Variants in GGT6 observed in about 807,000 individuals in gnomAD.
GGT6 encodes the protein gamma-glutamyltransferase 6, also known as glutathione hydrolase 6.
In GGT6, 13 loss-of-function variants were observed where a neutral mutation model predicts 17.0. The observed-to-expected ratio is 0.77, with a 90% CI of 0.50 to 1.22. The LOEUF (loss-of-function observed/expected upper bound fraction) is 1.22. Ranked by LOEUF, GGT6 falls within the 50% of genes most tolerant of loss-of-function variation. The probability of loss-of-function intolerance (pLI) is 0.00; values close to 1 mark genes in which losing one functional copy is unlikely to be tolerated. For synonymous variants in GGT6, 305 were observed against 297.9 expected (o/e 1.02, Z -0.25); for missense variants, 628 against 643.7 (o/e 0.98, Z 0.26).
rs781536401 is a variant in GGT6 at position 4,558,094 on chromosome 17, A to G, written c.1421T>C (p.Leu474Pro). The G allele has an allele frequency of 6.8e-6, 11 of 1,608,038 alleles. No individual in the cohort carries two copies. The highest frequency in any genetic ancestry group is 1.3e-5 in the African/African-American group (1 of 74,894). ...EHPSTCGQGTLLQVAAHTEHA... is the reference protein window; with the variant it reads ...EHPSTCGQGTPLQVAAHTEHA... ...CTCTGTGTGGGCTGCCACCTGGAGC[A>G]GGGTCCCTTGGCCACAAGTGCTGGG... The change falls in exon 4 of 4, where the codon CTG becomes CCG. Residue 474 changes from leucine (L) to proline (P), a missense_variant. Coordinates refer to ENST00000381550, the MANE Select transcript of GGT6 (RefSeq NM_001288702.2).
downstream of GGT6, among the ~76,000 whole-genome samples, chr17:4,556,543 C>T (rs1014517893): frequency 5.9e-5 from 9 of 152,150 alleles, no homozygotes; most frequent in South Asian, 2.1e-4. Context: ...TGGTCACCCT[C>T]GCTTCTTGGT....
Position 4,557,184 on chromosome 17 carries a change from C to G in GGT6, c.*831G>C, listed in dbSNP as rs183459477. 1.3e-5 allele frequency: 2 copies of G among 152,320 alleles called. No homozygotes were observed. Among genetic ancestry groups the G allele is most frequent in the Admixed American group, 1.3e-4 (2 of 15,298 alleles). The allele number at this position is 152,320 out of a possible 1,614,324, so 9.4% of individuals were successfully genotyped here. A position where few individuals can be genotyped will look rare whatever the true frequency, so the allele number is the denominator to read the frequency against. On this transcript the variant is annotated 3_prime_UTR_variant, in exon 4 of 4. Coordinates refer to ENST00000381550, the MANE Select transcript of GGT6 (RefSeq NM_001288702.2). Reference sequence around the variant, plus strand: ...CTGATTTTCTTAGCTGATAAAATAGCTAGAGATTCCATCCGGTGTGGGTGA... The same window carrying G: ...CTGATTTTCTTAGCTGATAAAATAGGTAGAGATTCCATCCGGTGTGGGTGA...
chr17:4,558,382 G>T lies in GGT6; in HGVS notation c.1133C>A (p.Ser378Tyr), dbSNP rs772301151. Reference protein sequence around the residue: ...VLLLTSSLNCSFGSAHLSPST... With the variant: ...VLLLTSSLNCYFGSAHLSPST... Reference sequence around the variant, plus strand: ...TGGGGACAGGTGTGCAGAGCCAAAGGAGCAGTTGAGCGAGGAGGTGAGAAG... The same window carrying T: ...TGGGGACAGGTGTGCAGAGCCAAAGTAGCAGTTGAGCGAGGAGGTGAGAAG... The change falls in exon 4 of 4, where the codon TCC becomes TAC. Residue 378 changes from serine to tyrosine, a missense_variant. By Grantham distance (144) the Ser-to-Tyr change is moderately radical (BLOSUM62 -2). Transcript: ENST00000381550. 3.1e-6 allele frequency: 5 copies of T among 1,605,608 alleles called. No individual in the cohort carries two copies. The Admixed American group carries it at 6.7e-5, about 21-fold the overall frequency.
intron 3 of GGT6, 133 bp downstream of exon 3, chr17:4,559,210 G>T (rs887137380): frequency 2.8e-5 from 34 of 1,224,520 alleles, no homozygotes; most frequent in Non-Finnish European, 3.6e-5. Flanking sequence ...CATAGCCTGG[G>T]GTTGGACTGC....
rs1488834175 is a variant in GGT6, at chr17:4,560,527, C to T, written c.-6G>A. 1 of 1,608,916 alleles carries T rather than the reference C, an allele frequency of 6.2e-7. No individual in the cohort carries two copies. Among genetic ancestry groups the T allele is most frequent in the Non-Finnish European group, 8.5e-7 (1 of 1,179,984 alleles). On this transcript the variant is annotated 5_prime_UTR_variant, in exon 1 of 4. Coordinates refer to ENST00000381550, the MANE Select transcript of GGT6 (RefSeq NM_001288702.2). ...GGCTCTTCTGCCCGCTCCATGGCCC[C>T]CCAGTGCTCGCCCCAGCCCTCCTGC... is the stretch of plus-strand genomic sequence containing the variant.
At chr17:4,560,287 G>A (rs944014463) in intron 1 of GGT6, 95 bp downstream of exon 1, 40 of 1,416,034 alleles carry the variant, frequency 2.8e-5, no homozygotes, top group Non-Finnish European at 3.4e-5. Context: ...TAAACCCAGC[G>A]GGGAGTCGCC....
intron 3 of GGT6, 103 bp downstream of exon 3, chr17:4,559,240 G>C: frequency 8.5e-7 from 1 of 1,180,592 alleles, no homozygotes; most frequent in South Asian, 1.4e-5. Context: ...CCTAAGTCCT[G>C]CTCACTTAGC....
rs1325630131 is a variant in GGT6 at position 4,558,149 on chromosome 17, G to A, written c.1366C>T (p.His456Tyr). The A allele has an allele frequency of 1.2e-6, 2 of 1,613,856 alleles. No homozygotes were observed. Among genetic ancestry groups the A allele is most frequent in the East Asian group, 4.5e-5 (2 of 44,890 alleles). The change falls in exon 4 of 4, where the codon CAT becomes TAT. Residue 456 changes from histidine to tyrosine, a missense_variant. Coordinates refer to ENST00000381550, the MANE Select transcript of GGT6 (RefSeq NM_001288702.2). ...ARPPTQAQHQ[H>Y]QGQQEPTEHP... ...TCTGTTGGTTCTTGCTGACCCTGAT[G>A]CTGGTGCTGGGCCTGGGTAGGGGGC...
At chr17:4,559,243 C>A in intron 3 of GGT6, 100 bp downstream of exon 3, 1 of 1,190,118 alleles carries the variant, frequency 8.4e-7, no homozygotes, top group South Asian at 1.4e-5. Flanking sequence ...AAGTCCTGCT[C>A]ACTTAGCAGT....
downstream of GGT6, among the ~76,000 whole-genome samples, chr17:4,556,366 G>T (rs939512397): frequency 6.6e-6 from 1 of 152,140 alleles, no homozygotes; most frequent in African/African-American, 2.4e-5. Context: ...AGATGTCGGG[G>T]GAGAGGAAAT....
At chr17:4,556,737 T>C (rs1461918693), downstream of GGT6, among the ~76,000 whole-genome samples, 2 of 152,148 alleles carry the variant, frequency 1.3e-5, no homozygotes, top group Middle Eastern at 3.2e-3. Context: ...GAAAGTGAAA[T>C]GAAAACATTC....
intron 1 of GGT6, 106 bp downstream of exon 1, chr17:4,560,276 C>T: frequency 7.6e-7 from 1 of 1,320,058 alleles, no homozygotes; most frequent in South Asian, 1.3e-5. Flanking sequence ...GTGCCTGGAG[C>T]TAAACCCAGC....
In GGT6 at chr17:4,558,920, A is replaced by C; in HGVS notation, c.595T>G (p.Phe199Val). ...LPTLHLLHAR[F>V]GRLPWPRLLV... ...AGGCGTGGCCAGGGCAGGCGGCCGAAGCGTGCATGCAGCAGGTGCAGGGTG... is the reference window on the plus strand; with the variant it reads ...AGGCGTGGCCAGGGCAGGCGGCCGACGCGTGCATGCAGCAGGTGCAGGGTG... The change falls in exon 4 of 4, where the codon TTC (phenylalanine) becomes GTC (valine). Residue 199 changes from phenylalanine to valine, a missense_variant. Phe to Val is a conservative substitution (Grantham distance 50). Coordinates refer to ENST00000381550, the MANE Select transcript of GGT6 (RefSeq NM_001288702.2). 6.5e-7 allele frequency: 1 copy of C among 1,549,144 alleles called. No homozygotes were observed. Among genetic ancestry groups the C allele is most frequent in the Non-Finnish European group, 8.7e-7 (1 of 1,146,254 alleles).
Position 4,558,257 on chromosome 17 carries a change from C to G in GGT6, c.1258G>C (p.Asp420His), listed in dbSNP as rs1271025685. 5 of 1,614,168 alleles carry G rather than the reference C, an allele frequency of 3.1e-6. No homozygotes were observed. The highest frequency in any genetic ancestry group is 4.2e-6 in the Non-Finnish European group (5 of 1,180,030). The change falls in exon 4 of 4, where the codon GAT (aspartate) becomes CAT (histidine). Residue 420 changes from aspartate to histidine, a missense_variant. Asp to His is a moderately conservative substitution (Grantham distance 81, BLOSUM62 -1). Coordinates refer to ENST00000381550, the MANE Select transcript of GGT6 (RefSeq NM_001288702.2). ...LRGSLDDTEA[D>H]VLGLVASGTP... ...CCTGAAGCCACAAGCCCCAACACATCAGCCTCTGTGTCATCCAGGCTGCCA... is the reference window on the plus strand; with the variant it reads ...CCTGAAGCCACAAGCCCCAACACATGAGCCTCTGTGTCATCCAGGCTGCCA...
At chr17:4,560,246 T>TC in intron 1 of GGT6, 136 bp downstream of exon 1, 1 of 947,272 alleles carries the variant, frequency 1.1e-6, no homozygotes, top group Non-Finnish European at 1.6e-6. Flanking sequence ...GCCTGGGTTT[T>TC]CCCCCAAATT....
Position 4,559,605 on chromosome 17 carries a change from G to A in GGT6, c.296C>T (p.Ser99Phe). The stretch of plus-strand genomic sequence containing the variant: ...GTGGTGGTATACGCCAGGGCCGTGG[G>A]AGTGTCCGCCGGGTGGAGGGGCCAC... ...GSVAPPPGGH[S>F]HGPGVYHHGA... is the part of the protein sequence containing the mutation. Residue 99 changes from serine (S) to phenylalanine (F), a missense_variant, in exon 2 of 4, where the codon TCC (serine) becomes TTC (phenylalanine). By Grantham distance (155) the Ser-to-Phe change is radical. Transcript: ENST00000381550. The A allele has an allele frequency of 6.2e-7, 1 of 1,613,888 alleles. No homozygotes were observed. The highest frequency in any genetic ancestry group is 8.5e-7 in the Non-Finnish European group (1 of 1,180,014).
chr17:4,558,992 G>T lies in GGT6; in HGVS notation c.523C>A (p.Pro175Thr), dbSNP rs2144541897. Reference sequence around the variant, plus strand: ...AGGCCGGGGGCCAGGGTCTGTGCTGGGCCTGATGTCAGGGCCGTGGAATTG... The same window carrying T: ...AGGCCGGGGGCCAGGGTCTGTGCTGTGCCTGATGTCAGGGCCGTGGAATTG... ...SGNSTALTSG[P>T]AQTLAPGLGL... Residue 175 changes from proline to threonine, a missense_variant, in exon 4 of 4, where the codon CCA becomes ACA. By Grantham distance (38) the Pro-to-Thr change is conservative. Transcript: ENST00000381550. The T allele has an allele frequency of 1.9e-6, 3 of 1,545,830 alleles. No homozygotes were observed. The highest frequency in any genetic ancestry group is 4.9e-5 in the East Asian group (2 of 40,906).
At position 4,558,676 on chromosome 17, in the gene GGT6, A is replaced by G. The variant is rs1368488957; in HGVS notation, c.839T>C (p.Leu280Pro). 1.1e-5 allele frequency: 17 copies of G among 1,603,852 alleles called. No individual in the cohort carries two copies. The highest frequency in any genetic ancestry group is 1.4e-5 in the Non-Finnish European group (17 of 1,175,364). Residue 280 changes from leucine (L) to proline (P), a missense_variant, in exon 4 of 4, where the codon CTA becomes CCA. Coordinates refer to ENST00000381550, the MANE Select transcript of GGT6 (RefSeq NM_001288702.2). Reference protein sequence around the residue: ...APTSDLAGDALLSLLAGDLGV... With the variant: ...APTSDLAGDAPLSLLAGDLGV... ...CAGGTCTCCCGCCAGTAGACTCAGTAGAGCATCCCCAGCAAGGTCTGAGGT... is the reference window on the plus strand; with the variant it reads ...CAGGTCTCCCGCCAGTAGACTCAGTGGAGCATCCCCAGCAAGGTCTGAGGT...
In GGT6 at chr17:4,558,283, C is replaced by T. The variant is rs773406722; in HGVS notation, c.1232G>A (p.Arg411His). Residue 411 changes from arginine (R) to histidine (H), a missense_variant, in exon 4 of 4, where the codon CGT becomes CAT. Physicochemically the swap from Arg to His is conservative, Grantham distance 29 (BLOSUM62 0). Transcript: ENST00000381550. ...AGCCTCTGTGTCATCCAGGCTGCCACGGAGGATGAGGGGGCAGGCCCAGGC... is the reference window on the plus strand; with the variant it reads ...AGCCTCTGTGTCATCCAGGCTGCCATGGAGGATGAGGGGGCAGGCCCAGGC... ...TSAWACPLIL[R>H]GSLDDTEADV... 1.7e-5 allele frequency: 27 copies of T among 1,613,868 alleles called. No homozygotes were observed. Among genetic ancestry groups the T allele is most frequent in the East Asian group, 6.7e-5 (3 of 44,896 alleles).
Sources: allele counts gnomAD v4.1 joint callset (sites outside exome capture counted in the v4.1 genomes callset), GRCh38; gene constraint gnomAD v4.1.1; transcripts MANE v1.5; gene names NCBI Gene and HGNC (gene_info 2026-07-23, HGNC 2026-07-21).